Variants in LMAN1 observed in about 807,000 individuals in gnomAD.
The protein encoded by LMAN1 is lectin, mannose binding 1.
In LMAN1, 32 loss-of-function variants were observed where a neutral mutation model predicts 67.8. The ratio of observed to expected loss-of-function variants is 0.47; its 90% confidence interval spans 0.36 to 0.63. The LOEUF is 0.63. Ranked by LOEUF, LMAN1 falls within the 30% of genes least tolerant of loss-of-function variation. The pLI is 0.00. For synonymous variants in LMAN1, 235 were observed against 219.3 expected (o/e 1.07, Z -0.63); for missense variants, 632 against 628.2 (o/e 1.01, Z -0.06).
At chr18:59,349,004 AAC>A in intron 6 of LMAN1, 107 bp downstream of exon 6, 1 of 1,318,822 alleles carries the variant, frequency 7.6e-7, no homozygotes. Context: ...GAAAGTTCCA[AAC>A]AGTCTTAAAA....
intron 10 of LMAN1, 54 bp from the exon 11 acceptor site, chr18:59,333,298 C>A (rs546896396): frequency 1.6e-6 from 2 of 1,223,394 alleles, no homozygotes; most frequent in East Asian, 4.9e-5. Context: ...TTTTTTTTTT[C>A]AGTCACAGAT....
chr18:59,345,593 G>A (rs749067237), intron 8 of LMAN1, among the ~76,000 whole-genome samples: 64 of 152,202 alleles, frequency 4.2e-4, no homozygotes, highest in Non-Finnish European at 5.4e-4. Context: ...CATTGTTTTG[G>A]ATTTATTTTT....
At chr18:59,358,986 G>C (rs776428806) in intron 1 of LMAN1, 45 bp downstream of exon 1, 2 of 1,581,492 alleles carry the variant, frequency 1.3e-6, no homozygotes, top group Non-Finnish European at 1.7e-6. Context: ...AGAGGCAGCA[G>C]AAGGGGGAGA....
At chr18:59,333,963 A>G (rs1908086997) in intron 10 of LMAN1, among the ~76,000 whole-genome samples, 1 of 152,232 alleles carries the variant, frequency 6.6e-6, no homozygotes, top group South Asian at 2.1e-4. Context: ...TGAAGACTTA[A>G]AAGTAGTTAC....
At chr18:59,331,343 TAGATAACTTAGTTGAATATTTCTAATTA>T in intron 12 of LMAN1, 47 bp downstream of exon 12, 1 of 1,414,690 alleles carries the variant, frequency 7.1e-7, no homozygotes, top group South Asian at 1.2e-5. Flanking sequence ...ATTATGAACA[TAGATAACTTAGTTGAATATTTCTAATTA>T]AACAGATGCA....
chr18:59,342,389 C>T (rs1242004221), intron 8 of LMAN1, among the ~76,000 whole-genome samples: 2 of 152,056 alleles, frequency 1.3e-5, no homozygotes, highest in Non-Finnish European at 2.9e-5. Flanking sequence ...AGACCCATAT[C>T]CCTGATGAAC....
Position 59,355,756 on chromosome 18 carries a change from AC to A in LMAN1, c.215-99del, listed in dbSNP as rs1380615066. ...TAAATATACCTACAGAGACTTAGTA[AC>A]CTGTACAATAATGATTTGGAAAAAA... On this transcript the variant is annotated intron_variant, in intron 1 of 12. Transcript: ENST00000251047. 3 of 1,337,308 alleles carry A rather than the reference AC, an allele frequency of 2.2e-6. No homozygotes were observed. In the African/African-American group the frequency reaches 4.3e-5, roughly 19 times the overall value. The allele number at this position is 1,337,308 out of a possible 1,614,324, so 82.8% of individuals were successfully genotyped here.
At chr18:59,332,575 A>C (rs1277507694) in intron 11 of LMAN1, among the ~76,000 whole-genome samples, 3 of 152,172 alleles carry the variant, frequency 2.0e-5, no homozygotes, top group Non-Finnish European at 4.4e-5. Context: ...ACGCGATATA[A>C]AATATAAGGG....
chr18:59,342,459 G>C (rs570402687), intron 8 of LMAN1, among the ~76,000 whole-genome samples: 1 of 152,220 alleles, frequency 6.6e-6, no homozygotes, highest in Admixed American at 6.5e-5. Context: ...ACATCAAAAA[G>C]ATAATACAGC....
chr18:59,331,236 C>A (rs543654631), intron 12 of LMAN1, 107 bp from the exon 13 acceptor site: 3 of 1,084,384 alleles, frequency 2.8e-6, no homozygotes, highest in African/African-American at 3.2e-5. Context: ...AAGTATACAA[C>A]GCATTAAGAT....
rs536896295 is a variant in LMAN1 at position 59,334,274 on chromosome 18, CATTT to C, written c.1221-1034_1221-1031del. On this transcript the variant is annotated intron_variant, in intron 10 of 12. Transcript: ENST00000251047. ...ATTTGCTCCTACTCAGTCATTCATT[CATTT>C]GCCTGTTCATTCTGCTAACATTTAT... Among the ~76,000 whole-genome samples the C allele has an allele frequency of 3.8e-3, 575 of 152,292 alleles. 5 individuals carry two copies. The highest frequency in any genetic ancestry group is 6.8e-3 in the Middle Eastern group (2 of 294).
In LMAN1 at chr18:59,330,275, G is replaced by A. The variant is rs567363045; in HGVS notation, c.*818C>T. 3 of 152,554 alleles carry A rather than the reference G, an allele frequency of 2.0e-5. No homozygotes were observed. The East Asian group carries it at 5.8e-4, about 30-fold the overall frequency. The allele number at this position is 152,554 out of a possible 1,614,324, so 9.5% of individuals were successfully genotyped here. ...GAATTTACATGCTGTAGTAAAGGGA[G>A]AAATAAATTCCTTAAGTTACAAATA... On this transcript the variant is annotated 3_prime_UTR_variant, in exon 13 of 13. Transcript: ENST00000251047.
chr18:59,349,303 T>C, intron 5 of LMAN1, 67 bp from the exon 6 acceptor site: 1 of 1,358,844 alleles, frequency 7.4e-7, no homozygotes, highest in African/African-American at 1.4e-5. Context: ...AATCGATCCA[T>C]TTTATGACTA....
At chr18:59,346,377 T>G (rs34090830) in intron 7 of LMAN1, among the ~76,000 whole-genome samples, 2 of 150,374 alleles carry the variant, frequency 1.3e-5, no homozygotes, top group African/African-American at 4.9e-5. Flanking sequence ...CCTGCTGCCA[T>G]GCCCAGCTAA....
chr18:59,342,400 A>G (rs921734794), intron 8 of LMAN1, among the ~76,000 whole-genome samples: 1 of 152,194 alleles, frequency 6.6e-6, no homozygotes, highest in Non-Finnish European at 1.5e-5. Context: ...CCTGATGAAC[A>G]AAGATGCAAA....
rs765577401 is a variant in LMAN1, at chr18:59,335,474, C to A, written c.1221-2230G>T. ...AAAGAAAGAAAAGAAAAAGAAAATA[C>A]GTATATGCAGAAGAAATACAGGAAG... On this transcript the variant is annotated intron_variant, in intron 10 of 12. Coordinates refer to ENST00000251047, the MANE Select transcript of LMAN1 (RefSeq NM_005570.4). Among the ~76,000 whole-genome samples, 3 of 150,704 alleles carry A rather than the reference C, an allele frequency of 2.0e-5. No homozygotes were observed. In the South Asian group the frequency reaches 6.4e-4, roughly 32 times the overall value.
At chr18:59,338,499 C>A in intron 10 of LMAN1, 58 bp downstream of exon 10, 1 of 1,421,172 alleles carries the variant, frequency 7.0e-7, no homozygotes, top group South Asian at 1.2e-5. Context: ...CACCTGAAGT[C>A]ACAAATTTAG....
chr18:59,347,969 TGA>T (rs1032208380), intron 6 of LMAN1, among the ~76,000 whole-genome samples: 1 of 152,236 alleles, frequency 6.6e-6, no homozygotes, highest in Non-Finnish European at 1.5e-5. Flanking sequence ...CCCAGACAAA[TGA>T]GAGAAAATCC....
intron 5 of LMAN1, among the ~76,000 whole-genome samples, chr18:59,350,702 A>G (rs1479257282): frequency 6.6e-6 from 1 of 151,924 alleles, no homozygotes; most frequent in Non-Finnish European, 1.5e-5. Context: ...TCACCGTGTG[A>G]GCCAGGATGG....
Sources: gnomAD v4.1 joint callset for allele counts (sites outside exome capture counted in the v4.1 genomes callset) on GRCh38, gnomAD v4.1.1 for gene constraint, MANE v1.5 for transcripts, NCBI Gene and HGNC (gene_info 2026-07-23, HGNC 2026-07-21) for gene names.